Variants in NBEAL1 observed in about 807,000 individuals in gnomAD.
NBEAL1 encodes neurobeachin like 1.
Under a neutral mutation model 351.3 loss-of-function variants are expected in NBEAL1, and 273 were observed. The ratio of observed to expected loss-of-function variants is 0.78; its 90% CI spans 0.70 to 0.86. NBEAL1 has a LOEUF of 0.86. Ranked by LOEUF, NBEAL1 falls within the 40% of genes least tolerant of loss-of-function variation. The probability of loss-of-function intolerance (pLI) is 0.00; values close to 1 mark genes in which losing one functional copy is unlikely to be tolerated. For missense variants in NBEAL1, 2,961 were observed against 3,201.3 expected, an observed-to-expected ratio of 0.92 and a Z score of 1.81; for synonymous variants, 1,050 against 1,086.4, an observed-to-expected ratio of 0.97 and a Z score of 0.66.
chr2:203,209,696 C>T (rs545991735), intron 53 of NBEAL1, among the ~76,000 whole-genome samples: 1 of 124,292 alleles, frequency 8.0e-6, no homozygotes, highest in South Asian at 2.8e-4. Flanking sequence ...AGTGACATCA[C>T]TATTTATTTA....
At position 203,209,157 on chromosome 2, in the gene NBEAL1, G is replaced by A. The variant is rs960259810; in HGVS notation, c.7624-4G>A. ...TTTCATTTTCTGATATATCCTGTGT[G>A]TAGGATGGAACGGTGATTATACATA... On this transcript the variant is annotated splice_polypyrimidine_tract_variant and splice_region_variant and intron_variant, in intron 52 of 55. Transcript: ENST00000683969. The A allele has an allele frequency of 1.2e-6, 2 of 1,609,244 alleles. No individual in the cohort carries two copies. Among genetic ancestry groups the A allele is most frequent in the Admixed American group, 1.7e-5 (1 of 59,914 alleles).
intron 41 of NBEAL1, among the ~76,000 whole-genome samples, 196 bp from the exon 42 acceptor site, chr2:203,174,951 G>GA (rs2064451125): frequency 6.6e-6 from 1 of 151,846 alleles, no homozygotes; most frequent in Non-Finnish European, 1.5e-5. Context: ...TTGTTGTTCA[G>GA]AAAAAAGTAT....
chr2:203,122,426 AGATT>A (rs1575002421), intron 19 of NBEAL1, 83 bp downstream of exon 19: 2 of 810,458 alleles, frequency 2.5e-6, no homozygotes, highest in Non-Finnish European at 4.0e-6. Flanking sequence ...AAGCACTGCC[AGATT>A]GATCTAAATA....
At chr2:203,051,669 A>T (rs1483811231) in intron 4 of NBEAL1, among the ~76,000 whole-genome samples, 1 of 152,134 alleles carries the variant, frequency 6.6e-6, no homozygotes, top group African/African-American at 2.4e-5. Context: ...CAAAAATCCT[A>T]CAGATATTTG....
chr2:203,127,944 T>A lies in NBEAL1; in HGVS notation c.3405+7T>A, dbSNP rs2062980459. 1 of 1,543,056 alleles carries A rather than the reference T, an allele frequency of 6.5e-7. No individual in the cohort carries two copies. Among genetic ancestry groups the A allele is most frequent in the African/African-American group, 1.4e-5 (1 of 72,798 alleles). ...TACTAATGAAGAAGAACAGGTATTA[T>A]GCCTAAGATACATCTACTTTTCCTT... On this transcript the variant is annotated splice_region_variant and intron_variant, in intron 24 of 55. Transcript: ENST00000683969.
chr2:203,223,990 A>G lies in NBEAL1; in HGVS notation c.*6636A>G, dbSNP rs2105869846. Among the ~76,000 whole-genome samples, 1 of 152,186 alleles carries G rather than the reference A, an allele frequency of 6.6e-6. No homozygotes were observed. Among genetic ancestry groups the G allele is most frequent in the African/African-American group, 2.4e-5 (1 of 41,580 alleles). ...AACTGTCAGCGTCTGTTTTGTATAT[A>G]GGGATTAAAGAGGATAACTTTATTT... On this transcript the variant is annotated 3_prime_UTR_variant, in exon 56 of 56. Transcript: ENST00000683969.
chr2:203,204,324 G>GTTT (rs760736834), intron 51 of NBEAL1, among the ~76,000 whole-genome samples: 5 of 125,834 alleles, frequency 4.0e-5, no homozygotes, highest in Non-Finnish European at 8.6e-5. Context: ...GGGTTTTTTG[G>GTTT]TTTTTTTTTT....
At chr2:203,095,967 T>A (rs1235809038) in intron 10 of NBEAL1, among the ~76,000 whole-genome samples, 1 of 149,760 alleles carries the variant, frequency 6.7e-6, no homozygotes, top group Non-Finnish European at 1.5e-5. Context: ...TTGGCCAGGC[T>A]GCCGGTCTGG....
chr2:203,104,794 C>T (rs1486023760), intron 12 of NBEAL1, among the ~76,000 whole-genome samples: 2 of 151,984 alleles, frequency 1.3e-5, no homozygotes, highest in African/African-American at 4.8e-5. Context: ...CTTATTCTTC[C>T]TTCACTTATG....
chr2:203,099,425 C>T (rs1404899458), intron 11 of NBEAL1, among the ~76,000 whole-genome samples: 2 of 152,058 alleles, frequency 1.3e-5, no homozygotes, highest in Non-Finnish European at 2.9e-5. Context: ...GTTGCCTTAT[C>T]CTCCTTGACA....
rs1244450168 is a variant in NBEAL1 at position 203,224,069 on chromosome 2, A to G, written c.*6715A>G. The stretch of plus-strand genomic sequence containing the variant: ...AATTTTGGAATTTTGATTTTCTTAG[A>G]TGACTTTTTAGCAATTTAATGATAA... On this transcript the variant is annotated 3_prime_UTR_variant, in exon 56 of 56. Transcript: ENST00000683969. 6.6e-6 allele frequency among the ~76,000 whole-genome samples: 1 copy of G among 152,002 alleles called. No homozygotes were observed. Among genetic ancestry groups the G allele is most frequent in the Non-Finnish European group, 1.5e-5 (1 of 67,914 alleles).
intron 4 of NBEAL1, among the ~76,000 whole-genome samples, chr2:203,054,781 T>C (rs913291904): frequency 2.6e-5 from 4 of 152,218 alleles, no homozygotes. Flanking sequence ...TTTGGAAAAG[T>C]AGGATCCCTC....
chr2:203,217,154 A>G (rs1255063892), intron 55 of NBEAL1, 99 bp from the exon 56 acceptor site: 2 of 854,236 alleles, frequency 2.3e-6, no homozygotes, highest in African/African-American at 3.5e-5. Flanking sequence ...TCTGCTAACA[A>G]TTTGTTTCTT....
At chr2:203,160,626 T>TA (rs910004640) in intron 36 of NBEAL1, among the ~76,000 whole-genome samples, 74 of 152,126 alleles carry the variant, frequency 4.9e-4, no homozygotes, top group African/African-American at 1.6e-3. Context: ...ATAATTTTTG[T>TA]AAAAAAAACT....
chr2:203,046,541 T>C (rs2061229941), intron 3 of NBEAL1, among the ~76,000 whole-genome samples: 1 of 152,094 alleles, frequency 6.6e-6, no homozygotes, highest in African/African-American at 2.4e-5. Flanking sequence ...AGATATTTAC[T>C]GTTCACCGTT....
At chr2:203,138,046 G>T in intron 29 of NBEAL1, 116 bp from the exon 30 acceptor site, 1 of 915,022 alleles carries the variant, frequency 1.1e-6, no homozygotes, top group Non-Finnish European at 1.6e-6. Context: ...ACCTGCTAGA[G>T]ATAGTATATC....
At position 203,217,893 on chromosome 2, in the gene NBEAL1, T is replaced by C; in HGVS notation, c.*539T>C. On this transcript the variant is annotated 3_prime_UTR_variant, in exon 56 of 56. Coordinates refer to ENST00000683969, the MANE Select transcript of NBEAL1 (RefSeq NM_001378026.1). ...AATAAAATAAGAATATTGAAACTGGTACATTAGCTAATTCTATTACTACTT... is the reference window on the plus strand; with the variant it reads ...AATAAAATAAGAATATTGAAACTGGCACATTAGCTAATTCTATTACTACTT... 1.0e-6 allele frequency: 1 copy of C among 980,578 alleles called. No homozygotes were observed. The highest frequency in any genetic ancestry group is 1.2e-6 in the Non-Finnish European group (1 of 825,498). The allele number at this position is 980,578 out of a possible 1,614,324, so 60.7% of individuals were successfully genotyped here.
chr2:203,167,187 TTATA>T (rs2064159194), intron 37 of NBEAL1, 36 bp from the exon 38 acceptor site: 1 of 1,574,558 alleles, frequency 6.4e-7, no homozygotes, highest in African/African-American at 1.4e-5. Flanking sequence ...ATGAGTAACT[TTATA>T]TGGTATCTCA....
intron 11 of NBEAL1, among the ~76,000 whole-genome samples, chr2:203,098,642 TC>T (rs2062236967): frequency 1.3e-5 from 2 of 152,144 alleles, no homozygotes. Flanking sequence ...ACATATCTCT[TC>T]TTTTTGATGA....
Sources: allele counts gnomAD v4.1 joint callset (sites outside exome capture counted in the v4.1 genomes callset), GRCh38; gene constraint gnomAD v4.1.1; transcripts MANE v1.5; gene names NCBI Gene and HGNC (gene_info 2026-07-23, HGNC 2026-07-21).